The following SERPINI1 variants were observed in gnomAD, a reference collection of about 807,000 sequenced individuals.
SERPINI1 encodes serpin family I member 1.
In SERPINI1, 19 loss-of-function variants were observed where a neutral mutation model predicts 41.1. That is an observed-to-expected ratio of 0.46 (90% confidence interval 0.32 to 0.68). The LOEUF (loss-of-function observed/expected upper bound fraction) is 0.68, where lower values mean the gene tolerates loss of function less well. SERPINI1 is among the 30% of genes least tolerant of loss of function. SERPINI1 has a pLI of 0.03. For missense variants in SERPINI1, 460 were observed against 479.2 expected, an observed-to-expected ratio of 0.96 and a Z score of 0.37; for synonymous variants, 138 against 156.6, an observed-to-expected ratio of 0.88 and a Z score of 0.89.
intron 1 of SERPINI1, among the ~76,000 whole-genome samples, chr3:167,743,418 A>G (rs1178372719): frequency 6.6e-6 from 1 of 152,216 alleles, no homozygotes; most frequent in Non-Finnish European, 1.5e-5. Flanking sequence ...AAATTGAGAA[A>G]ATGTAAATAA....
chr3:167,791,986 G>A (rs1196779685), intron 3 of SERPINI1, among the ~76,000 whole-genome samples: 1 of 152,096 alleles, frequency 6.6e-6, no homozygotes, highest in South Asian at 2.1e-4. Context: ...TTAGCCAGGT[G>A]TGGTGGCACA....
chr3:167,789,240 A>G lies in SERPINI1; in HGVS notation c.112A>G (p.Arg38Gly). ...GTCAGTGAATATGTATAATCGTCTT[A>G]GAGCCACTGGTGAAGATGAAAATAT... The part of the protein sequence containing the change: ...DLSVNMYNRL[R>G]ATGEDENILF... Residue 38 changes from arginine (R) to glycine (G), a missense_variant, in exon 2 of 9, where the codon AGA becomes GGA. Coordinates refer to ENST00000446050, the MANE Select transcript of SERPINI1 (RefSeq NM_001122752.2). 1 of 1,614,178 alleles carries G rather than the reference A, an allele frequency of 6.2e-7. No homozygotes were observed. Among genetic ancestry groups the G allele is most frequent in the Non-Finnish European group, 8.5e-7 (1 of 1,180,024 alleles).
chr3:167,797,932 T>A (rs1024981207), intron 5 of SERPINI1, among the ~76,000 whole-genome samples: 3 of 152,148 alleles, frequency 2.0e-5, no homozygotes, highest in African/African-American at 7.2e-5. Flanking sequence ...AATTTTGTAT[T>A]TTTTCTTGCA....
At chr3:167,789,926 T>G (rs1297861938) in intron 2 of SERPINI1, among the ~76,000 whole-genome samples, 1 of 152,198 alleles carries the variant, frequency 6.6e-6, no homozygotes, top group African/African-American at 2.4e-5. Flanking sequence ...TGCTCTGATA[T>G]ACGTGTGAAT....
intron 1 of SERPINI1, among the ~76,000 whole-genome samples, chr3:167,763,075 A>G (rs979864760): frequency 1.3e-5 from 2 of 152,076 alleles, no homozygotes; most frequent in African/African-American, 4.8e-5. Flanking sequence ...AGTAGGGAAA[A>G]TATACCTAAA....
intron 1 of SERPINI1, among the ~76,000 whole-genome samples, chr3:167,751,248 A>G (rs1726041878): frequency 6.6e-6 from 1 of 152,176 alleles, no homozygotes; most frequent in Non-Finnish European, 1.5e-5. Flanking sequence ...TACTGGACCA[A>G]TTCACACATT....
intron 5 of SERPINI1, among the ~76,000 whole-genome samples, chr3:167,804,852 A>C (rs932601040): frequency 1.3e-5 from 2 of 152,076 alleles, no homozygotes; most frequent in African/African-American, 4.8e-5. Context: ...CACACACACA[A>C]AAATATGTTA....
intron 1 of SERPINI1, among the ~76,000 whole-genome samples, chr3:167,778,839 A>G (rs542748318): frequency 3.3e-5 from 5 of 152,206 alleles, no homozygotes; most frequent in Non-Finnish European, 7.3e-5. Flanking sequence ...CATTGCTTTA[A>G]AGTTAAGCCA....
At chr3:167,794,177 A>T (rs1727636399) in intron 4 of SERPINI1, among the ~76,000 whole-genome samples, 1 of 151,534 alleles carries the variant, frequency 6.6e-6, no homozygotes, top group Admixed American at 6.6e-5. Flanking sequence ...GCTACACTTC[A>T]GATATATTGA....
At position 167,747,500 on chromosome 3, in the gene SERPINI1, T is replaced by C. The variant is rs563471268; in HGVS notation, c.-19+11677T>C. Reference sequence around the variant, plus strand: ...TCTACTGAAAATACAGAAAATTAGCTGGGCGTGGCAGCGGGCGCCTGTGGT... The same window carrying C: ...TCTACTGAAAATACAGAAAATTAGCCGGGCGTGGCAGCGGGCGCCTGTGGT... On this transcript the variant is annotated intron_variant, in intron 1 of 8. Transcript: ENST00000446050. Among the ~76,000 whole-genome samples, 468 of 152,220 alleles carry C rather than the reference T, an allele frequency of 3.1e-3. 4 individuals carry two copies. The highest frequency in any genetic ancestry group is 0.011 in the African/African-American group (442 of 41,540).
intron 1 of SERPINI1, among the ~76,000 whole-genome samples, chr3:167,772,302 C>A (rs1726782958): frequency 6.6e-6 from 1 of 152,072 alleles, no homozygotes; most frequent in African/African-American, 2.4e-5. Flanking sequence ...ATATTTCTAT[C>A]ATATTCCTGA....
At position 167,761,741 on chromosome 3, in the gene SERPINI1, G is replaced by C. The variant is rs551760810; in HGVS notation, c.-19+25918G>C. On this transcript the variant is annotated intron_variant, in intron 1 of 8. Transcript: ENST00000446050. ...ATTATAGTTAGAAACTCACTTCTGGGGTGCAGCTCAGCAATCTACCAAATT... is the reference window on the plus strand; with the variant it reads ...ATTATAGTTAGAAACTCACTTCTGGCGTGCAGCTCAGCAATCTACCAAATT... 6.6e-5 allele frequency among the ~76,000 whole-genome samples: 10 copies of C among 152,158 alleles called. No homozygotes were observed. The South Asian group carries it at 2.1e-3, about 32-fold the overall frequency.
At chr3:167,751,107 T>C (rs926343190) in intron 1 of SERPINI1, among the ~76,000 whole-genome samples, 6 of 152,186 alleles carry the variant, frequency 3.9e-5, no homozygotes, top group Non-Finnish European at 8.8e-5. Context: ...TTTGACAGAC[T>C]GAAATCTTTC....
At chr3:167,819,012 T>TTCTAG (rs1286712100) in intron 6 of SERPINI1, among the ~76,000 whole-genome samples, 1 of 152,196 alleles carries the variant, frequency 6.6e-6, no homozygotes, top group Admixed American at 6.6e-5. Context: ...GTATTCAAGG[T>TTCTAG]CATGATATTG....
chr3:167,822,145 C>T (rs1414924553), intron 6 of SERPINI1, among the ~76,000 whole-genome samples: 1 of 152,212 alleles, frequency 6.6e-6, no homozygotes, highest in Non-Finnish European at 1.5e-5. Flanking sequence ...TTAACCATTA[C>T]ACAGGGCCTT....
rs1296179457 is a variant in SERPINI1, at chr3:167,792,737, G to A, written c.629G>A (p.Ser210Asn). 2.5e-6 allele frequency: 4 copies of A among 1,613,738 alleles called. No homozygotes were observed. In the African/African-American group the frequency reaches 4.0e-5, roughly 16 times the overall value. Residue 210 changes from serine to asparagine, a missense_variant, in exon 4 of 9, where the codon AGT (serine) becomes AAT (asparagine). By Grantham distance (46) the Ser-to-Asn change is conservative. Coordinates refer to ENST00000446050, the MANE Select transcript of SERPINI1 (RefSeq NM_001122752.2). ...RTFSFTKDDE[S>N]EVQIPMMYQQ... Reference sequence around the variant, plus strand: ...TTTTCTTTCACTAAAGATGATGAAAGTGAAGTCCAAATTCCAATGATGTAT... The same window carrying A: ...TTTTCTTTCACTAAAGATGATGAAAATGAAGTCCAAATTCCAATGATGTAT...
chr3:167,792,497 C>T, intron 3 of SERPINI1, 93 bp from the exon 4 acceptor site: 1 of 1,007,172 alleles, frequency 9.9e-7, no homozygotes, highest in Non-Finnish European at 1.5e-6. Context: ...TTTCTCTGGA[C>T]CACTCTATCA....
chr3:167,793,594 A>ATTTTTTTTT (rs544906097), intron 4 of SERPINI1, among the ~76,000 whole-genome samples: 38 of 106,422 alleles, frequency 3.6e-4, no homozygotes, highest in Admixed American at 5.4e-4. Flanking sequence ...ATATATATAT[A>ATTTTTTTTT]TATTTTTAAT....
At chr3:167,784,420 G>A (rs1727237851) in intron 1 of SERPINI1, among the ~76,000 whole-genome samples, 2 of 152,156 alleles carry the variant, frequency 1.3e-5, no homozygotes, top group South Asian at 4.1e-4. Flanking sequence ...CTGAATGAAT[G>A]GCTAATGGTG....
Sources: allele counts gnomAD v4.1 joint callset (sites outside exome capture counted in the v4.1 genomes callset), GRCh38; gene constraint gnomAD v4.1.1; transcripts MANE v1.5; gene names NCBI Gene and HGNC (gene_info 2026-07-23, HGNC 2026-07-21).